FBP2: variants seen among roughly 807,000 people sequenced by gnomAD.
FBP2 encodes fructose-1,6-bisphosphatase isozyme 2.
FBP2 carries 27 observed loss-of-function variants against 31.6 expected under a neutral mutation model. The observed-to-expected ratio is 0.85, with a 90% CI of 0.63 to 1.18. The LOEUF (loss-of-function observed/expected upper bound fraction) is 1.18. FBP2 is among the 50% of genes most tolerant of loss of function. The probability of loss-of-function intolerance (pLI) is 0.00; values close to 1 mark genes in which losing one functional copy is unlikely to be tolerated. For missense variants in FBP2, 421 were observed against 436.1 expected, an observed-to-expected ratio of 0.97 and a Z score of 0.31; for synonymous variants, 168 against 179.8, an observed-to-expected ratio of 0.93 and a Z score of 0.53.
intron 3 of FBP2, among the ~76,000 whole-genome samples, chr9:94,572,506 G>C (rs944905122): frequency 5.9e-5 from 9 of 152,154 alleles, no homozygotes; most frequent in African/African-American, 2.2e-4. Flanking sequence ...TCATGGTCTG[G>C]TCTTCCAGCG....
chr9:94,560,732 A>G (rs1181210186), intron 6 of FBP2, among the ~76,000 whole-genome samples: 2 of 147,684 alleles, frequency 1.4e-5, no homozygotes, highest in Non-Finnish European at 3.0e-5. Context: ...TATAATATAT[A>G]TTTACATATA....
At position 94,562,267 on chromosome 9, in the gene FBP2, GCCACTGCACT is replaced by G. The variant is rs1484010804; in HGVS notation, c.825+1065_825+1074del. Among the ~76,000 whole-genome samples the G allele has an allele frequency of 4.3e-5, 6 of 140,998 alleles. No individual in the cohort carries two copies. In the South Asian group the frequency reaches 6.7e-4, roughly 16 times the overall value. 92.5% of individuals were successfully genotyped at this position (140,998 alleles called of 152,430 possible). A position where few individuals can be genotyped will look rare whatever the true frequency, so the allele number is the denominator to read the frequency against. ...GGAGCTTGCAGTGAGCCTAGATGGT[GCCACTGCACT>G]CCAGCCTGGGCGACAGAGCAAGACT... On this transcript the variant is annotated intron_variant, in intron 6 of 6. Coordinates refer to ENST00000375337, the MANE Select transcript of FBP2 (RefSeq NM_003837.4).
intron 1 of FBP2, among the ~76,000 whole-genome samples, chr9:94,590,141 CAGG>C (rs1405907837): frequency 1.3e-5 from 2 of 152,100 alleles, no homozygotes; most frequent in African/African-American, 2.4e-5. Context: ...GGAAACTCAC[CAGG>C]AGATGTGAGT....
At chr9:94,583,476 C>G (rs533606108) in intron 3 of FBP2, among the ~76,000 whole-genome samples, 1 of 152,198 alleles carries the variant, frequency 6.6e-6, no homozygotes, top group Admixed American at 6.5e-5. Context: ...GCCTTAAATA[C>G]TCATATTTCT....
chr9:94,591,643 C>T (rs1827504681), intron 1 of FBP2, among the ~76,000 whole-genome samples: 1 of 152,174 alleles, frequency 6.6e-6, no homozygotes, highest in South Asian at 2.1e-4. Context: ...TGGTCATTGA[C>T]GGCTCAGGCA....
chr9:94,570,494 G>A (rs1327304171), intron 4 of FBP2: 1 of 151,996 alleles, frequency 6.6e-6, no homozygotes, highest in East Asian at 2.0e-4. Context: ...TCATAGGACA[G>A]GTACTTTACA....
chr9:94,584,947 T>C (rs960503799), intron 2 of FBP2, among the ~76,000 whole-genome samples: 1 of 152,214 alleles, frequency 6.6e-6, no homozygotes, highest in South Asian at 2.1e-4. Flanking sequence ...ACCCACCCAC[T>C]CTGCTGTCAC....
At chr9:94,571,334 G>T in intron 4 of FBP2, 128 bp downstream of exon 4, 2 of 984,372 alleles carry the variant, frequency 2.0e-6, no homozygotes, top group Non-Finnish European at 2.8e-6. Flanking sequence ...CCCAAACTAG[G>T]CTCTCAGGAC....
chr9:94,561,817 A>G (rs1340249008), intron 6 of FBP2, among the ~76,000 whole-genome samples: 1 of 152,234 alleles, frequency 6.6e-6, no homozygotes, highest in Non-Finnish European at 1.5e-5. Flanking sequence ...ATTAGGATCC[A>G]ACAGAACTTT....
Position 94,591,501 on chromosome 9 carries a change from C to G in FBP2, c.170+2056G>C, listed in dbSNP as rs548273377. 5.8e-4 allele frequency among the ~76,000 whole-genome samples: 89 copies of G among 152,338 alleles called. 2 individuals carry two copies. The highest frequency in any genetic ancestry group is 2.1e-3 in the African/African-American group (88 of 41,580). Reference sequence around the variant, plus strand: ...GCTGGCCCGCAAGCGCCGCACGCAGCCCCAGTTCCCGCTCGCACCTCTCCC... The same window carrying G: ...GCTGGCCCGCAAGCGCCGCACGCAGGCCCAGTTCCCGCTCGCACCTCTCCC... On this transcript the variant is annotated intron_variant, in intron 1 of 6. Transcript: ENST00000375337.
intron 3 of FBP2, among the ~76,000 whole-genome samples, chr9:94,580,732 G>A (rs1465867295): frequency 6.6e-6 from 1 of 152,102 alleles, no homozygotes; most frequent in Non-Finnish European, 1.5e-5. Context: ...CATTTTACAG[G>A]TTCCAGACAG....
intron 3 of FBP2, among the ~76,000 whole-genome samples, chr9:94,575,343 CTT>C (rs1827305962): frequency 6.6e-6 from 1 of 152,172 alleles, no homozygotes; most frequent in African/African-American, 2.4e-5. Flanking sequence ...CCAAATCTAA[CTT>C]TATCTGGTTT....
intron 5 of FBP2, among the ~76,000 whole-genome samples, chr9:94,566,145 CTTCT>C (rs1326530604): frequency 6.6e-6 from 1 of 152,200 alleles, no homozygotes; most frequent in Non-Finnish European, 1.5e-5. Context: ...CTCCTTTTGA[CTTCT>C]TTTTGTTTCC....
chr9:94,564,690 C>A (rs1827160554), intron 5 of FBP2, among the ~76,000 whole-genome samples: 1 of 151,926 alleles, frequency 6.6e-6, no homozygotes, highest in Non-Finnish European at 1.5e-5. Context: ...GGGGGAGGAG[C>A]AGAAAAGATA....
At chr9:94,579,266 C>G (rs1439600528) in intron 3 of FBP2, among the ~76,000 whole-genome samples, 1 of 149,192 alleles carries the variant, frequency 6.7e-6, no homozygotes, top group African/African-American at 2.5e-5. Flanking sequence ...GGCGTGGTGC[C>G]GGGCGCCTGT....
chr9:94,567,635 C>T (rs1827210689), intron 4 of FBP2: 1 of 496,818 alleles, frequency 2.0e-6, no homozygotes, highest in African/African-American at 1.9e-5. Flanking sequence ...AGCAGGAAGA[C>T]AATTCTAAGG....
chr9:94,581,244 G>A (rs1171125234), intron 3 of FBP2, among the ~76,000 whole-genome samples: 1 of 152,116 alleles, frequency 6.6e-6, no homozygotes, highest in Non-Finnish European at 1.5e-5. Context: ...GTCTGACATA[G>A]TAAGGGCCAG....
intron 5 of FBP2, among the ~76,000 whole-genome samples, chr9:94,564,336 T>G (rs1827154610): frequency 6.6e-6 from 1 of 152,228 alleles, no homozygotes; most frequent in African/African-American, 2.4e-5. Context: ...ATAGAAATCA[T>G]TCTATTGTAA....
At chr9:94,574,125 C>G (rs1384995241) in intron 3 of FBP2, among the ~76,000 whole-genome samples, 1 of 151,778 alleles carries the variant, frequency 6.6e-6, no homozygotes, top group Non-Finnish European at 1.5e-5. Flanking sequence ...TTTTGAAAAA[C>G]AAGGCAACCT....
Sources: gnomAD v4.1 joint callset for allele counts (sites outside exome capture counted in the v4.1 genomes callset) on GRCh38, gnomAD v4.1.1 for gene constraint, MANE v1.5 for transcripts, NCBI Gene and HGNC (gene_info 2026-07-23, HGNC 2026-07-21) for gene names.